Variants in NIN observed in about 807,000 individuals in gnomAD.
NIN encodes the protein glycogen synthase kinase 3 beta-interacting protein.
Under a neutral mutation model 257.6 loss-of-function variants are expected in NIN, and 137 were observed. That is an observed-to-expected ratio of 0.53 (90% CI 0.46 to 0.61). The LOEUF (loss-of-function observed/expected upper bound fraction) is 0.61. Among genes scored for constraint, NIN ranks in the 20% least tolerant of loss-of-function variants. The probability of loss-of-function intolerance (pLI) is 0.00; values close to 1 mark genes in which losing one functional copy is unlikely to be tolerated. For missense variants in NIN, 2,439 were observed against 2,501.2 expected (o/e 0.98, Z 0.53); for synonymous variants, 918 against 919.8 (o/e 1.00, Z 0.04).
intron 12 of NIN, among the ~76,000 whole-genome samples, chr14:50,769,537 G>A (rs959099610): frequency 1.3e-5 from 2 of 151,560 alleles, no homozygotes; most frequent in African/African-American, 4.9e-5. Context: ...TTGCTCTGTC[G>A]CCTAGGCTGG....
intron 2 of NIN, among the ~76,000 whole-genome samples, chr14:50,829,875 G>A (rs543233883): frequency 5.9e-5 from 9 of 152,268 alleles, no homozygotes; most frequent in African/African-American, 9.6e-5. Context: ...GGCCGCTTCG[G>A]TAGCTACAGA....
chr14:50,760,175 G>A lies in NIN; in HGVS notation c.2081C>T (p.Thr694Ile). The A allele has an allele frequency of 6.2e-7, 1 of 1,614,098 alleles. No homozygotes were observed. The highest frequency in any genetic ancestry group is 2.2e-5 in the East Asian group (1 of 44,858). ...TTTTTTCTCCTCCTCATGCCTGCAA[G>A]TGGCCTCATGATGTGCCTCCTTGAG... ...AVLKEAHHEA[T>I]CRHEEEKKQL... The change falls in exon 17 of 31, where the codon ACT becomes ATT. Residue 694 changes from threonine to isoleucine, a missense_variant. Thr to Ile is a moderately conservative substitution (Grantham distance 89). Around this residue, in one of 3 missense-constraint regions of NIN, gnomAD observed 2,043 missense variants for 2,050.2 expected, o/e 1.00. Coordinates refer to ENST00000530997, the MANE Select transcript of NIN (RefSeq NM_020921.4).
chr14:50,757,591 G>T lies in NIN; in HGVS notation c.3439C>A (p.Leu1147Met). 1 of 1,614,054 alleles carries T rather than the reference G, an allele frequency of 6.2e-7. No homozygotes were observed. The highest frequency in any genetic ancestry group is 8.5e-7 in the Non-Finnish European group (1 of 1,180,018). Residue 1147 changes from leucine to methionine, a missense_variant, in exon 18 of 31, where the codon CTG (leucine) becomes ATG (methionine). Around this residue, in one of 3 missense-constraint regions of NIN, gnomAD observed 2,043 missense variants for 2,050.2 expected, o/e 1.00. Transcript: ENST00000530997. ...AGGTCCCGGACCTCATCATCTTCCA[G>T]GTCACTTAGGACATGCCGCCTGGTC... ...GVTRRHVLSDLEDDEVRDLGS... is the reference protein window; with the variant it reads ...GVTRRHVLSDMEDDEVRDLGS...
At chr14:50,778,849 G>GA (rs1566838413) in intron 5 of NIN, 45 bp from the exon 6 acceptor site, 1 of 1,595,166 alleles carries the variant, frequency 6.3e-7, no homozygotes, top group Non-Finnish European at 8.6e-7. Flanking sequence ...AACTTATTCA[G>GA]AAAGAACTAT....
At chr14:50,727,741 G>C in intron 29 of NIN, 1 of 1,426,568 alleles carries the variant, frequency 7.0e-7, no homozygotes, top group Non-Finnish European at 9.5e-7. Context: ...TCGCTGCTCC[G>C]GTAGCAAGGC....
rs187479210 is a variant in NIN, at chr14:50,725,482, T to G, written c.6192+471A>C. ...AGCAATAAGATACTTGTTGAGGTTT[T>G]CATAAGCTGTTGGGAACAGGAAAGC... On this transcript the variant is annotated intron_variant, in intron 30 of 30. Coordinates refer to ENST00000530997, the MANE Select transcript of NIN (RefSeq NM_020921.4). Among the ~76,000 whole-genome samples the G allele has an allele frequency of 3.3e-5, 5 of 152,290 alleles. No individual in the cohort carries two copies. The East Asian group carries it at 9.6e-4, about 29-fold the overall frequency.
intron 27 of NIN, among the ~76,000 whole-genome samples, chr14:50,736,191 GGC>G (rs1387582826): frequency 1.4e-5 from 2 of 145,792 alleles, no homozygotes; most frequent in East Asian, 5.5e-4. Context: ...GGAGTGCAGT[GGC>G]ACAGTCTCAG....
chr14:50,760,287 T>C lies in NIN; in HGVS notation c.1969A>G (p.Arg657Gly). The C allele has an allele frequency of 1.2e-6, 2 of 1,609,238 alleles. No homozygotes were observed. Residue 657 changes from arginine to glycine, a missense_variant, in exon 17 of 31, where the codon AGG (arginine) becomes GGG (glycine). Around this residue, in one of 3 missense-constraint regions of NIN, gnomAD observed 2,043 missense variants for 2,050.2 expected, o/e 1.00. Transcript: ENST00000530997. Reference sequence around the variant, plus strand: ...AAGGTGTGCGTTTCGTTCTCATGCCTTTGCTTCATGTTCTCCTGTGCCTTC... The same window carrying C: ...AAGGTGTGCGTTTCGTTCTCATGCCCTTGCTTCATGTTCTCCTGTGCCTTC... ...CKKAQENMKQ[R>G]HENETHTLEK...
At chr14:50,777,785 C>A (rs906666509) in intron 6 of NIN, among the ~76,000 whole-genome samples, 1 of 152,098 alleles carries the variant, frequency 6.6e-6, no homozygotes, top group Non-Finnish European at 1.5e-5. Context: ...AAAATCAAAA[C>A]TTCTTATTTA....
intron 5 of NIN, among the ~76,000 whole-genome samples, chr14:50,789,285 C>T (rs1431955867): frequency 6.6e-6 from 1 of 152,176 alleles, no homozygotes; most frequent in African/African-American, 2.4e-5. Context: ...CAATAAAGAA[C>T]TGTCAGAGGC....
intron 5 of NIN, among the ~76,000 whole-genome samples, chr14:50,790,161 C>T (rs2043528601): frequency 1.3e-5 from 2 of 152,126 alleles, no homozygotes; most frequent in Admixed American, 1.3e-4. Context: ...TTCAAGCAAT[C>T]CTTCCACCTC....
chr14:50,733,035 T>A (rs2040796252), intron 28 of NIN, among the ~76,000 whole-genome samples: 1 of 152,026 alleles, frequency 6.6e-6, no homozygotes, highest in African/African-American at 2.4e-5. Flanking sequence ...AACACTGAAC[T>A]CTAGCCTGGG....
intron 4 of NIN, among the ~76,000 whole-genome samples, chr14:50,796,355 G>A (rs1566856840): frequency 6.6e-6 from 1 of 152,190 alleles, no homozygotes; most frequent in Non-Finnish European, 1.5e-5. Context: ...ATGAGCAGGG[G>A]ACAGTAGAGA....
At chr14:50,753,841 A>C (rs1410273280) in intron 20 of NIN, among the ~76,000 whole-genome samples, 2 of 151,944 alleles carry the variant, frequency 1.3e-5, no homozygotes, top group Non-Finnish European at 2.9e-5. Context: ...TTGAATTTGC[A>C]CTTCTCTAAT....
In NIN at chr14:50,771,313, A is replaced by C. The variant is rs1410355448; in HGVS notation, c.1118+19T>G. On this transcript the variant is annotated intron_variant, in intron 10 of 30. Coordinates refer to ENST00000530997, the MANE Select transcript of NIN (RefSeq NM_020921.4). ...AGTAGGAAAGGGAATGGGGCAGGCG[A>C]ACCTTCTGCTCAACTCACAACAAAT... 1 of 1,612,472 alleles carries C rather than the reference A, an allele frequency of 6.2e-7. No homozygotes were observed. Among genetic ancestry groups the C allele is most frequent in the Admixed American group, 1.7e-5 (1 of 59,778 alleles).
At chr14:50,735,320 G>A (rs183818484) in intron 28 of NIN, among the ~76,000 whole-genome samples, 196 bp downstream of exon 28, 1 of 152,260 alleles carries the variant, frequency 6.6e-6, no homozygotes, top group African/African-American at 2.4e-5. Context: ...CTGAAAAGCA[G>A]TATGGCTTCC....
intron 3 of NIN, among the ~76,000 whole-genome samples, chr14:50,809,795 G>A (rs1380697902): frequency 2.6e-5 from 4 of 152,240 alleles, no homozygotes; most frequent in South Asian, 2.1e-4. Flanking sequence ...CCTTGAATAT[G>A]GTATGACAAA....
At chr14:50,780,278 T>C (rs948130892) in intron 5 of NIN, among the ~76,000 whole-genome samples, 70 of 152,236 alleles carry the variant, frequency 4.6e-4, no homozygotes, top group African/African-American at 1.7e-3. Context: ...GGGGCTGCTG[T>C]CATAGCAGTG....
In NIN at chr14:50,757,528, C is replaced by T. The variant is rs1456856088; in HGVS notation, c.3502G>A (p.Val1168Ile). 6.2e-7 allele frequency: 1 copy of T among 1,613,932 alleles called. No homozygotes were observed. The highest frequency in any genetic ancestry group is 1.3e-5 in the African/African-American group (1 of 74,900). The change falls in exon 18 of 31, where the codon GTC becomes ATC. Residue 1168 changes from valine (V) to isoleucine (I), a missense_variant. Coordinates refer to ENST00000530997, the MANE Select transcript of NIN (RefSeq NM_020921.4). Reference sequence around the variant, plus strand: ...GAAGCTTCAGACTCCTCTATTTTGACTTCCTGTCTCTGAACAGAGCTCGTC... The same window carrying T: ...GAAGCTTCAGACTCCTCTATTTTGATTTCCTGTCTCTGAACAGAGCTCGTC... ...TGTSSVQRQE[V>I]KIEESEASVE...
Sources: allele counts gnomAD v4.1 joint callset (sites outside exome capture counted in the v4.1 genomes callset), GRCh38; gene constraint gnomAD v4.1.1; regional missense constraint gnomAD v4.1.1; transcripts MANE v1.5; gene names NCBI Gene and HGNC (gene_info 2026-07-23, HGNC 2026-07-21).